The following LRRTM4 variants were observed in gnomAD, a reference collection of about 807,000 sequenced individuals.
LRRTM4 encodes the protein leucine-rich repeat transmembrane neuronal protein 4.
Under a neutral mutation model 47.6 loss-of-function variants are expected in LRRTM4, and 25 were observed. That is an observed-to-expected ratio of 0.53 (90% CI 0.38 to 0.73). The LOEUF (loss-of-function observed/expected upper bound fraction) is 0.73. LRRTM4 is among the 30% of genes least tolerant of loss of function. LRRTM4 has a pLI of 0.00. For missense variants in LRRTM4, 638 were observed against 713.4 expected, an observed-to-expected ratio of 0.89 and a Z score of 1.20; for synonymous variants, 311 against 269.5, an observed-to-expected ratio of 1.15 and a Z score of -1.51.
chr2:77,434,667 T>C (rs745721593), intron 3 of LRRTM4, among the ~76,000 whole-genome samples: 33 of 152,216 alleles, frequency 2.2e-4, no homozygotes, highest in Non-Finnish European at 4.3e-4. Flanking sequence ...TGGTGTTCAG[T>C]ACTTTGCATG....
At chr2:76,974,137 TATACATATATATAC>T (rs1209165706) in intron 3 of LRRTM4, among the ~76,000 whole-genome samples, 4 of 120,452 alleles carry the variant, frequency 3.3e-5, no homozygotes, top group African/African-American at 1.3e-4. Context: ...TGCTCATATA[TATACATATATATAC>T]ATACATATAT....
intron 3 of LRRTM4, among the ~76,000 whole-genome samples, chr2:76,922,227 G>A (rs901174634): frequency 3.1e-4 from 47 of 152,126 alleles, no homozygotes; most frequent in South Asian, 2.1e-4. Flanking sequence ...CTGAGACTGG[G>A]TTATTTATGA....
chr2:76,913,058 T>C (rs1050592773), intron 3 of LRRTM4, among the ~76,000 whole-genome samples: 4 of 152,228 alleles, frequency 2.6e-5, no homozygotes, highest in African/African-American at 4.8e-5. Context: ...CTAGTTATCA[T>C]TGTATGATTT....
rs980500108 is a variant in LRRTM4, at chr2:77,122,690, T to G, written c.1552-373774A>C. On this transcript the variant is annotated intron_variant, in intron 3 of 3. Transcript: ENST00000409884. Reference sequence around the variant, plus strand: ...CTAAAGCTCTGCTATTCACCATAAATTTTTTTCCTCATGGGACTGCCTGCT... The same window carrying G: ...CTAAAGCTCTGCTATTCACCATAAAGTTTTTTCCTCATGGGACTGCCTGCT... Among the ~76,000 whole-genome samples, 4 of 151,624 alleles carry G rather than the reference T, an allele frequency of 2.6e-5. 1 individual carries two copies. Among genetic ancestry groups the G allele is most frequent in the Non-Finnish European group, 5.9e-5 (4 of 67,764 alleles).
chr2:76,988,397 T>G (rs2103984921), intron 3 of LRRTM4, among the ~76,000 whole-genome samples: 1 of 151,964 alleles, frequency 6.6e-6, no homozygotes, highest in African/African-American at 2.4e-5. Flanking sequence ...CTGATGATGA[T>G]AATATCCTTG....
chr2:77,376,987 T>C (rs543318963), intron 3 of LRRTM4, among the ~76,000 whole-genome samples: 88 of 152,104 alleles, frequency 5.8e-4, no homozygotes, highest in Non-Finnish European at 3.4e-4. Flanking sequence ...TATTTATTTA[T>C]TCAATCAATT....
intron 3 of LRRTM4, among the ~76,000 whole-genome samples, chr2:77,129,828 T>G (rs976609775): frequency 2.6e-4 from 40 of 152,186 alleles, no homozygotes; most frequent in African/African-American, 9.7e-4. Context: ...AATCTGACTC[T>G]CTATCACATA....
intron 3 of LRRTM4, among the ~76,000 whole-genome samples, chr2:77,285,194 AT>A (rs1270761933): frequency 1.3e-5 from 2 of 151,568 alleles, no homozygotes; most frequent in Non-Finnish European, 2.9e-5. Flanking sequence ...CCCTATACCT[AT>A]TTGAGAGCAT....
intron 3 of LRRTM4, among the ~76,000 whole-genome samples, chr2:77,139,689 T>C (rs916847793): frequency 6.6e-6 from 1 of 152,198 alleles, no homozygotes; most frequent in African/African-American, 2.4e-5. Context: ...AAATTGTCCC[T>C]GTTTGTAGAT....
At chr2:76,863,772 G>A (rs1278445802) in intron 3 of LRRTM4, among the ~76,000 whole-genome samples, 1 of 152,118 alleles carries the variant, frequency 6.6e-6, no homozygotes, top group African/African-American at 2.4e-5. Flanking sequence ...TTTTTTACAT[G>A]TTTATTACCA....
intron 3 of LRRTM4, among the ~76,000 whole-genome samples, chr2:77,097,831 A>C (rs1670851632): frequency 6.6e-6 from 1 of 151,960 alleles, no homozygotes; most frequent in Admixed American, 6.6e-5. Context: ...TAGGAGTGGT[A>C]ATTAATGACA....
chr2:76,900,113 G>T (rs1195907058), intron 3 of LRRTM4, among the ~76,000 whole-genome samples: 1 of 151,962 alleles, frequency 6.6e-6, no homozygotes, highest in African/African-American at 2.4e-5. Context: ...CATGCCTCTA[G>T]TCCCAGCTGC....
intron 3 of LRRTM4, among the ~76,000 whole-genome samples, chr2:77,461,609 A>C (rs188809578): frequency 6.6e-6 from 1 of 152,298 alleles, no homozygotes; most frequent in Admixed American, 6.5e-5. Flanking sequence ...GAGATTTTCA[A>C]AGTAACAAAT....
intron 3 of LRRTM4, among the ~76,000 whole-genome samples, chr2:76,860,238 T>C (rs994793098): frequency 4.6e-5 from 7 of 152,174 alleles, no homozygotes; most frequent in African/African-American, 9.6e-5. Context: ...TTGGAGAAGA[T>C]TGCAAAGACA....
intron 3 of LRRTM4, among the ~76,000 whole-genome samples, chr2:77,368,141 G>T (rs1435946983): frequency 6.6e-6 from 1 of 151,552 alleles, no homozygotes; most frequent in Non-Finnish European, 1.5e-5. Context: ...TTTCTGTTGT[G>T]TTCCTGCAGG....
chr2:76,943,875 T>C (rs1002010422), intron 3 of LRRTM4, among the ~76,000 whole-genome samples: 1 of 152,194 alleles, frequency 6.6e-6, no homozygotes, highest in African/African-American at 2.4e-5. Flanking sequence ...AAGTTCCACA[T>C]ATTCTCTTAC....
intron 3 of LRRTM4, among the ~76,000 whole-genome samples, chr2:77,175,064 TTTC>T (rs1453736393): frequency 9.1e-6 from 1 of 110,172 alleles, no homozygotes; most frequent in Non-Finnish European, 1.7e-5. Context: ...TTTTTCTTTA[TTTC>T]TTTTTTCTTT....
chr2:77,010,329 C>G (rs528373057), intron 3 of LRRTM4, among the ~76,000 whole-genome samples: 2 of 143,086 alleles, frequency 1.4e-5, no homozygotes, highest in African/African-American at 5.0e-5. Context: ...ATTTTACTTT[C>G]TGTTTCTATG....
chr2:76,825,217 A>G (rs1671158176), intron 3 of LRRTM4, among the ~76,000 whole-genome samples: 1 of 151,672 alleles, frequency 6.6e-6, no homozygotes, highest in African/African-American at 2.4e-5. Flanking sequence ...TTACATTTCT[A>G]AAATAGTCTT....
Sources: gnomAD v4.1 joint callset for allele counts (sites outside exome capture counted in the v4.1 genomes callset) on GRCh38, gnomAD v4.1.1 for gene constraint, MANE v1.5 for transcripts, NCBI Gene and HGNC (gene_info 2026-07-23, HGNC 2026-07-21) for gene names.